The following CTIF variants were observed in gnomAD, a reference collection of about 807,000 sequenced individuals.
CTIF encodes the protein cap binding complex dependent translation initiation factor, also known as CBP80/20-dependent translation initiation factor.
Under a neutral mutation model 66.0 loss-of-function variants are expected in CTIF, and 21 were observed. The observed-to-expected ratio is 0.32, with a 90% confidence interval of 0.23 to 0.46. The LOEUF is 0.46. Among genes scored for constraint, CTIF ranks in the 20% least tolerant of loss-of-function variants. The pLI is 1.00. For missense variants in CTIF, 739 were observed against 812.7 expected, an observed-to-expected ratio of 0.91 and a Z score of 1.10; for synonymous variants, 345 against 326.4, an observed-to-expected ratio of 1.06 and a Z score of -0.62.
intron 1 of CTIF, among the ~76,000 whole-genome samples, chr18:48,552,048 C>G (rs569138484): frequency 6.6e-6 from 1 of 152,146 alleles, no homozygotes; most frequent in Non-Finnish European, 1.5e-5. Flanking sequence ...GTGATCCGCC[C>G]GCCTAGGCCT....
intron 7 of CTIF, among the ~76,000 whole-genome samples, chr18:48,752,755 C>A (rs964045476): frequency 6.6e-6 from 1 of 152,160 alleles, no homozygotes; most frequent in East Asian, 1.9e-4. Flanking sequence ...GAGTGTCCTG[C>A]GGGGGACACC....
chr18:48,619,688 G>A lies in CTIF; in HGVS notation c.123G>A (p.Leu41=), dbSNP rs2090458402. 1 of 1,608,532 alleles carries A rather than the reference G, an allele frequency of 6.2e-7. No homozygotes were observed. Among genetic ancestry groups the A allele is most frequent in the Admixed American group, 1.7e-5 (1 of 59,314 alleles). ...TGGAGTACCAGGTGCAGGGGCTGCT[G>A]GCTGACAAGACGGAGGGTGATGGCG... The part of the protein sequence containing the change: ...YVLEYQVQGL[L]ADKTEGDGES... The change falls in exon 2 of 12, where the codon CTG becomes CTA. Residue 41 remains leucine (L), a synonymous_variant. Coordinates refer to ENST00000256413, the MANE Select transcript of CTIF (RefSeq NM_014772.3).
chr18:48,776,886 A>G (rs1386109222), intron 9 of CTIF, among the ~76,000 whole-genome samples: 1 of 152,192 alleles, frequency 6.6e-6, no homozygotes, highest in Non-Finnish European at 1.5e-5. Context: ...GCTGCAGGAG[A>G]TCCGGTGGGG....
intron 9 of CTIF, among the ~76,000 whole-genome samples, chr18:48,798,002 C>A (rs1181448841): frequency 1.3e-5 from 2 of 152,120 alleles, no homozygotes; most frequent in African/African-American, 2.4e-5. Context: ...CAGAGTGTCT[C>A]TTATCACCTG....
At chr18:48,842,080 G>A (rs533126463) in intron 10 of CTIF, among the ~76,000 whole-genome samples, 2 of 152,348 alleles carry the variant, frequency 1.3e-5, no homozygotes, top group Admixed American at 6.5e-5. Context: ...CTGCCAGGGG[G>A]TGGGAGGGTT....
chr18:48,699,618 A>G (rs912449604), intron 6 of CTIF, among the ~76,000 whole-genome samples: 6 of 152,222 alleles, frequency 3.9e-5, no homozygotes, highest in Admixed American at 2.0e-4. Context: ...CACAAAGACC[A>G]CAGACGCAAG....
At chr18:48,848,325 C>T (rs1004975249) in intron 10 of CTIF, among the ~76,000 whole-genome samples, 1 of 152,194 alleles carries the variant, frequency 6.6e-6, no homozygotes, top group Non-Finnish European at 1.5e-5. Flanking sequence ...TTTGTTCTCC[C>T]GCCAATCACA....
Position 48,572,582 on chromosome 18 carries a change from C to A in CTIF, c.-29+33270C>A, listed in dbSNP as rs756449790. On this transcript the variant is annotated intron_variant, in intron 1 of 11. Transcript: ENST00000256413. ...CTGGGCTAGTCCAGTACAAAACTCACATCCTAACCCCATGGGAGTTAATGC... is the reference window on the plus strand; with the variant it reads ...CTGGGCTAGTCCAGTACAAAACTCAAATCCTAACCCCATGGGAGTTAATGC... Among the ~76,000 whole-genome samples the A allele has an allele frequency of 9.2e-5, 14 of 152,290 alleles. No homozygotes were observed. The South Asian group carries it at 1.5e-3, about 16-fold the overall frequency.
rs553904737 is a variant in CTIF, at chr18:48,676,267, A to C, written c.507+5523A>C. Among the ~76,000 whole-genome samples, 113 of 152,276 alleles carry C rather than the reference A, an allele frequency of 7.4e-4. 3 individuals carry two copies. The South Asian group carries it at 0.023, about 31-fold the overall frequency. ...GGCCTGGTGCTTTTGTGTCATATACAATACCCCATTGAAAGACGTTGTTTG... is the reference window on the plus strand; with the variant it reads ...GGCCTGGTGCTTTTGTGTCATATACCATACCCCATTGAAAGACGTTGTTTG... On this transcript the variant is annotated intron_variant, in intron 6 of 11. Coordinates refer to ENST00000256413, the MANE Select transcript of CTIF (RefSeq NM_014772.3).
At chr18:48,679,048 C>T (rs895816864) in intron 6 of CTIF, among the ~76,000 whole-genome samples, 1 of 152,206 alleles carries the variant, frequency 6.6e-6, no homozygotes, top group African/African-American at 2.4e-5. Context: ...GACTCTCTGG[C>T]TTTTTACAGA....
chr18:48,623,661 TTTG>T (rs1332810486), intron 2 of CTIF, among the ~76,000 whole-genome samples: 1 of 151,274 alleles, frequency 6.6e-6, no homozygotes, highest in Non-Finnish European at 1.5e-5. Context: ...GGGGAGGAAA[TTTG>T]TTAAGAAGCT....
At chr18:48,770,339 C>T (rs564612765) in intron 9 of CTIF, among the ~76,000 whole-genome samples, 2 of 152,102 alleles carry the variant, frequency 1.3e-5, no homozygotes, top group Admixed American at 6.5e-5. Flanking sequence ...TGCGCCACTG[C>T]GCCACTACTG....
rs1341219758 is a variant in CTIF at position 48,539,110 on chromosome 18, C to T, written c.-231C>T. 1 of 149,026 alleles carries T rather than the reference C, an allele frequency of 6.7e-6. No individual in the cohort carries two copies. Among genetic ancestry groups the T allele is most frequent in the Non-Finnish European group, 1.5e-5 (1 of 67,092 alleles). 9.2% of individuals were successfully genotyped at this position (149,026 alleles called of 1,614,324 possible). A position where few individuals can be genotyped will look rare whatever the true frequency, so the allele number is the denominator to read the frequency against. On this transcript the variant is annotated 5_prime_UTR_variant, in exon 1 of 12. Coordinates refer to ENST00000256413, the MANE Select transcript of CTIF (RefSeq NM_014772.3). ...CTCTACTCCCTCCCCCCTACCCGCC[C>T]CTCCCTCCCTGTTTCCCTTCCCTCC...
chr18:48,618,711 T>A (rs1038801040), intron 1 of CTIF, among the ~76,000 whole-genome samples: 1 of 152,152 alleles, frequency 6.6e-6, no homozygotes, highest in African/African-American at 2.4e-5. Flanking sequence ...GTTGAGCACA[T>A]CAGCTCCAGA....
At chr18:48,580,217 T>G (rs1353921266) in intron 1 of CTIF, among the ~76,000 whole-genome samples, 2 of 152,220 alleles carry the variant, frequency 1.3e-5, no homozygotes, top group Non-Finnish European at 2.9e-5. Context: ...TTACTGTGGC[T>G]GTCGTCACGG....
At chr18:48,554,309 G>C (rs574793477) in intron 1 of CTIF, among the ~76,000 whole-genome samples, 145 of 152,324 alleles carry the variant, frequency 9.5e-4, no homozygotes, top group Non-Finnish European at 1.6e-3. Flanking sequence ...ACTGAGGACT[G>C]GTTCTCTGAA....
intron 10 of CTIF, among the ~76,000 whole-genome samples, chr18:48,836,623 G>A (rs1052426750): frequency 6.6e-6 from 1 of 152,202 alleles, no homozygotes; most frequent in Non-Finnish European, 1.5e-5. Flanking sequence ...CATTCCCCTA[G>A]AGGGGCAAGG....
intron 6 of CTIF, among the ~76,000 whole-genome samples, chr18:48,703,059 T>A (rs1454631582): frequency 6.6e-6 from 1 of 152,182 alleles, no homozygotes; most frequent in Admixed American, 6.5e-5. Flanking sequence ...CCCCTTGGGA[T>A]GTCTACCCAG....
intron 8 of CTIF, among the ~76,000 whole-genome samples, chr18:48,759,140 G>A (rs1242367646): frequency 6.6e-6 from 1 of 152,204 alleles, no homozygotes. Context: ...ATTTGTACTT[G>A]CAGCAGTAAG....
Sources: allele counts gnomAD v4.1 joint callset (sites outside exome capture counted in the v4.1 genomes callset), GRCh38; gene constraint gnomAD v4.1.1; transcripts MANE v1.5; gene names NCBI Gene and HGNC (gene_info 2026-07-23, HGNC 2026-07-21).